The following PDK1 variants were observed in gnomAD, a reference collection of about 807,000 sequenced individuals.
The protein encoded by PDK1 is [Pyruvate dehydrogenase (acetyl-transferring)] kinase isozyme 1, mitochondrial.
Under a neutral mutation model 54.2 loss-of-function variants are expected in PDK1, and 39 were observed. The ratio of observed to expected loss-of-function variants is 0.72; its 90% confidence interval spans 0.56 to 0.94. The LOEUF (loss-of-function observed/expected upper bound fraction) is 0.94, where lower values mean the gene tolerates loss of function less well. PDK1 is among the 40% of genes least tolerant of loss of function. The pLI is 0.00. For missense variants in PDK1, 552 were observed against 566.0 expected (o/e 0.98, Z 0.25); for synonymous variants, 221 against 207.1 (o/e 1.07, Z -0.58).
intron 3 of PDK1, among the ~76,000 whole-genome samples, chr2:172,563,218 A>T (rs562935598): frequency 6.6e-6 from 1 of 152,302 alleles, no homozygotes; most frequent in African/African-American, 2.4e-5. Flanking sequence ...GAAAACAGTC[A>T]TTCAGAGCTG....
At chr2:172,610,245 G>GT (rs1691419643), downstream of PDK1, among the ~76,000 whole-genome samples, 1 of 152,036 alleles carries the variant, frequency 6.6e-6, no homozygotes, top group Admixed American at 6.6e-5. Flanking sequence ...GCTTTTCTTG[G>GT]TTTATCTTCT....
In PDK1 at chr2:172,607,441, C is replaced by T. The variant is rs1461033272; in HGVS notation, c.*11472C>T. On this transcript the variant is annotated 3_prime_UTR_variant, in exon 11 of 11. Transcript: ENST00000282077. The stretch of plus-strand genomic sequence containing the variant: ...AGTTTGAACCAGCCAAGGATGATGG[C>T]TTCAACATGTCTCCAGTTGTTTTGC... 5 of 152,200 alleles carry T rather than the reference C, an allele frequency of 3.3e-5. No homozygotes were observed. Among genetic ancestry groups the T allele is most frequent in the African/African-American group, 1.2e-4 (5 of 41,468 alleles). 9.4% of individuals were successfully genotyped at this position (152,200 alleles called of 1,614,324 possible).
chr2:172,662,841 G>T, the PDK1 span, among the ~76,000 whole-genome samples: 1 of 151,940 alleles, frequency 6.6e-6, no homozygotes, highest in African/African-American at 2.4e-5. Flanking sequence ...TCTTTCTTCA[G>T]GGAATGCCAT....
chr2:172,591,289 T>C (rs1279868512), intron 9 of PDK1, among the ~76,000 whole-genome samples: 1 of 151,836 alleles, frequency 6.6e-6, no homozygotes, highest in African/African-American at 2.4e-5. Flanking sequence ...GGTATAAGAG[T>C]TTGAAAGGTG....
rs1203323163 is a variant in PDK1 at position 172,596,317 on chromosome 2, A to G, written c.*348A>G. ...AAATACTTTCATTTATGTTTGCTAG[A>G]AACATTTTCTAAATGATAGTGATTA... On this transcript the variant is annotated 3_prime_UTR_variant, in exon 11 of 11. Coordinates refer to ENST00000282077, the MANE Select transcript of PDK1 (RefSeq NM_002610.5). 1 of 164,984 alleles carries G rather than the reference A, an allele frequency of 6.1e-6. No individual in the cohort carries two copies. The highest frequency in any genetic ancestry group is 1.3e-5 in the Non-Finnish European group (1 of 75,852). 10.2% of individuals were successfully genotyped at this position (164,984 alleles called of 1,614,324 possible).
In PDK1 at chr2:172,583,264, T is replaced by C. The variant is rs181577360; in HGVS notation, c.946-3014T>C. Among the ~76,000 whole-genome samples the C allele has an allele frequency of 2.5e-3, 371 of 147,866 alleles. 1 individual carries two copies. The highest frequency in any genetic ancestry group is 6.0e-3 in the African/African-American group (242 of 40,322). On this transcript the variant is annotated intron_variant, in intron 8 of 10. Transcript: ENST00000282077. ...CCAAGAGCAATTTCAAGCATAATGC[T>C]GCATAAAAGTTTTCTGGTTTTTTTT...
chr2:172,622,516 G>A, the PDK1 span, among the ~76,000 whole-genome samples: 3 of 145,256 alleles, frequency 2.1e-5, no homozygotes, highest in African/African-American at 7.5e-5. Flanking sequence ...TGTGAGATAT[G>A]TTTATATCAT....
intron 3 of PDK1, chr2:172,562,594 C>T: frequency 1.6e-6 from 1 of 636,150 alleles, no homozygotes; most frequent in Non-Finnish European, 2.8e-6. Context: ...ACCTTCAGCC[C>T]CAGCTGATCT....
chr2:172,633,582 T>TA, the PDK1 span, among the ~76,000 whole-genome samples: 1 of 151,510 alleles, frequency 6.6e-6, no homozygotes, highest in South Asian at 2.1e-4. Flanking sequence ...GCTTGTTTTT[T>TA]TAATTAAAGT....
At chr2:172,667,115 C>A in the PDK1 span, among the ~76,000 whole-genome samples, 23 of 152,140 alleles carry the variant, frequency 1.5e-4, no homozygotes, top group African/African-American at 5.5e-4. Flanking sequence ...CATCTCTCAC[C>A]CACTCTCACC....
chr2:172,571,468 ATCC>A (rs1373571678), intron 8 of PDK1, among the ~76,000 whole-genome samples: 2 of 152,164 alleles, frequency 1.3e-5, no homozygotes, highest in African/African-American at 4.8e-5. Flanking sequence ...GGCTCAAGCA[ATCC>A]TCCTCCCATG....
the PDK1 span, among the ~76,000 whole-genome samples, chr2:172,630,357 C>A: frequency 2.6e-5 from 4 of 152,164 alleles, no homozygotes; most frequent in Non-Finnish European, 5.9e-5. Flanking sequence ...ATATGGTAAC[C>A]ACTAGCCACA....
At chr2:172,722,031 T>A in the PDK1 span, among the ~76,000 whole-genome samples, 2 of 152,258 alleles carry the variant, frequency 1.3e-5, no homozygotes, top group African/African-American at 4.8e-5. Context: ...AAATATAAAA[T>A]TGCAGAATTG....
At chr2:172,558,577 TCCCTGC>T in intron 1 of PDK1, 125 bp from the exon 2 acceptor site, 1 of 749,902 alleles carries the variant, frequency 1.3e-6, no homozygotes, top group Non-Finnish European at 2.1e-6. Context: ...TGCCTCCTAT[TCCCTGC>T]CCCATCGTGG....
chr2:172,654,089 G>T, the PDK1 span, among the ~76,000 whole-genome samples: 2 of 152,202 alleles, frequency 1.3e-5, no homozygotes, highest in Non-Finnish European at 2.9e-5. Flanking sequence ...ACACCAGTTA[G>T]AATGGCAATC....
the PDK1 span, chr2:172,674,849 G>A: frequency 6.6e-6 from 1 of 152,286 alleles, no homozygotes; most frequent in Non-Finnish European, 1.5e-5. Context: ...CCTCTCCCGG[G>A]CTGTGCGCCC....
At chr2:172,557,492 G>A (rs150112589) in intron 1 of PDK1, among the ~76,000 whole-genome samples, 259 of 152,244 alleles carry the variant, frequency 1.7e-3, no homozygotes, top group Non-Finnish European at 3.0e-3. Flanking sequence ...GTGTAGAGGG[G>A]TCAGGAGACT....
chr2:172,616,814 A>G, the PDK1 span, among the ~76,000 whole-genome samples: 1 of 152,240 alleles, frequency 6.6e-6, no homozygotes, highest in Non-Finnish European at 1.5e-5. Context: ...GACTGACAGT[A>G]GAATGCATAT....
chr2:172,566,725 C>A, intron 5 of PDK1, 131 bp from the exon 6 acceptor site: 1 of 444,720 alleles, frequency 2.2e-6, no homozygotes, highest in Non-Finnish European at 3.9e-6. Context: ...AGACTTTCAC[C>A]AAACTATCAA....
Sources: allele counts gnomAD v4.1 joint callset (sites outside exome capture counted in the v4.1 genomes callset), GRCh38; gene constraint gnomAD v4.1.1; transcripts MANE v1.5; gene names NCBI Gene and HGNC (gene_info 2026-07-23, HGNC 2026-07-21).